MIPEP: variants seen among roughly 807,000 people sequenced by gnomAD.
MIPEP encodes the protein mitochondrial intermediate peptidase.
A neutral mutation model predicts 90.3 loss-of-function variants in MIPEP; 79 were observed. That is an observed-to-expected ratio of 0.87 (90% CI 0.73 to 1.05). MIPEP has a LOEUF of 1.05. Ranked by LOEUF, MIPEP falls within the 50% of genes least tolerant of loss-of-function variation. The pLI, the probability that MIPEP is intolerant of heterozygous loss-of-function variation, is 0.00. For missense variants in MIPEP, 940 were observed against 905.6 expected, an observed-to-expected ratio of 1.04 and a Z score of -0.49; for synonymous variants, 334 against 315.8, an observed-to-expected ratio of 1.06 and a Z score of -0.61.
chr13:23,802,662 C>T (rs970525478), intron 16 of MIPEP, among the ~76,000 whole-genome samples: 39 of 149,486 alleles, frequency 2.6e-4, no homozygotes, highest in Middle Eastern at 3.5e-3. Context: ...AATGGCTTTC[C>T]ATTGTATCTA....
intron 17 of MIPEP, 54 bp from the exon 18 acceptor site, chr13:23,756,672 C>T: frequency 6.4e-7 from 1 of 1,551,904 alleles, no homozygotes; most frequent in Non-Finnish European, 8.8e-7. Flanking sequence ...TCCATTCACA[C>T]TTGTCTTGAA....
At chr13:23,748,178 CTA>C (rs1256233738) in intron 18 of MIPEP, among the ~76,000 whole-genome samples, 3 of 152,218 alleles carry the variant, frequency 2.0e-5, no homozygotes, top group Non-Finnish European at 4.4e-5. Flanking sequence ...GTAGCTGTGA[CTA>C]CAGGTGCATG....
intron 5 of MIPEP, among the ~76,000 whole-genome samples, chr13:23,872,609 C>T (rs886452900): frequency 6.6e-6 from 1 of 152,128 alleles, no homozygotes; most frequent in South Asian, 2.1e-4. Flanking sequence ...CCTAGTGGAG[C>T]ACCTCTGAGA....
At position 23,730,276 on chromosome 13, in the gene MIPEP, C is replaced by G; in HGVS notation, c.*72G>C. The G allele has an allele frequency of 1.0e-6, 1 of 958,028 alleles. No homozygotes were observed. The highest frequency in any genetic ancestry group is 1.6e-6 in the Non-Finnish European group (1 of 615,580). The allele number at this position is 958,028 out of a possible 1,614,324, so 59.3% of individuals were successfully genotyped here. On this transcript the variant is annotated 3_prime_UTR_variant, in exon 19 of 19. Transcript: ENST00000382172. ...CGAACAATGAAATCAGAAACAAGCT[C>G]TCACAGCTGTAGCATTTATAACAAA...
intron 10 of MIPEP, among the ~76,000 whole-genome samples, chr13:23,845,345 G>C (rs1175910620): frequency 3.9e-5 from 6 of 152,170 alleles, no homozygotes. Context: ...GTCAATGAGA[G>C]CCTGAAGCAT....
chr13:23,810,796 G>A (rs1953163223), intron 14 of MIPEP, among the ~76,000 whole-genome samples: 1 of 152,174 alleles, frequency 6.6e-6, no homozygotes, highest in Admixed American at 6.5e-5. Flanking sequence ...GAGTCTACTC[G>A]GCAGACACTC....
intron 4 of MIPEP, among the ~76,000 whole-genome samples, chr13:23,875,250 T>G (rs896669346): frequency 3.9e-5 from 6 of 152,208 alleles, no homozygotes; most frequent in Non-Finnish European, 8.8e-5. Context: ...GTACACAGGT[T>G]TGTAATAAAT....
chr13:23,772,295 A>AC (rs1246307179), intron 16 of MIPEP, among the ~76,000 whole-genome samples: 1 of 134,160 alleles, frequency 7.5e-6, no homozygotes, highest in Non-Finnish European at 1.7e-5. Flanking sequence ...TCCTGATGCA[A>AC]GAGTTTTTAG....
chr13:23,778,708 A>G (rs911661518), intron 16 of MIPEP, among the ~76,000 whole-genome samples: 1 of 82,880 alleles, frequency 1.2e-5, no homozygotes, highest in Non-Finnish European at 2.7e-5. Flanking sequence ...ATTTTATTAT[A>G]CTGACAATAA....
intron 16 of MIPEP, among the ~76,000 whole-genome samples, chr13:23,791,576 C>T (rs554358116): frequency 4.6e-5 from 7 of 152,204 alleles, no homozygotes; most frequent in Non-Finnish European, 8.8e-5. Flanking sequence ...GGGCTAACCC[C>T]TCCACCCGTA....
intron 14 of MIPEP, among the ~76,000 whole-genome samples, chr13:23,817,630 C>T (rs1203597823): frequency 2.6e-5 from 4 of 152,100 alleles, no homozygotes; most frequent in Non-Finnish European, 5.9e-5. Flanking sequence ...CCCTCAAAAG[C>T]ATTAAAATTC....
intron 15 of MIPEP, among the ~76,000 whole-genome samples, chr13:23,808,441 C>T (rs1046300047): frequency 6.6e-6 from 1 of 152,130 alleles, no homozygotes; most frequent in Admixed American, 6.6e-5. Context: ...TGAAACAATT[C>T]ACTTCCTTTC....
At chr13:23,870,461 A>C (rs1566024055) in intron 5 of MIPEP, among the ~76,000 whole-genome samples, 1 of 152,126 alleles carries the variant, frequency 6.6e-6, no homozygotes, top group Non-Finnish European at 1.5e-5. Flanking sequence ...CATAACTTCT[A>C]GTTCTATTTT....
intron 16 of MIPEP, among the ~76,000 whole-genome samples, chr13:23,773,048 A>C (rs1255911375): frequency 6.6e-6 from 1 of 152,170 alleles, no homozygotes; most frequent in Non-Finnish European, 1.5e-5. Context: ...CAGTATATTC[A>C]CAAAATTGTG....
chr13:23,733,502 C>T (rs965630305), intron 18 of MIPEP, among the ~76,000 whole-genome samples: 4 of 152,076 alleles, frequency 2.6e-5, no homozygotes, highest in Admixed American at 2.6e-4. Flanking sequence ...GGAGACACAA[C>T]CCTTGTCAAG....
chr13:23,745,095 C>T (rs1261156898), intron 18 of MIPEP, among the ~76,000 whole-genome samples: 1 of 152,170 alleles, frequency 6.6e-6, no homozygotes, highest in East Asian at 1.9e-4. Flanking sequence ...CTGTGTGTTA[C>T]CTGACATACT....
intron 9 of MIPEP, among the ~76,000 whole-genome samples, chr13:23,859,341 C>CA (rs1870187861): frequency 2.0e-5 from 3 of 152,200 alleles, no homozygotes; most frequent in African/African-American, 7.2e-5. Flanking sequence ...GGGTAGATAT[C>CA]AAAAATGAAA....
At chr13:23,824,331 T>C (rs563166783) in intron 14 of MIPEP, among the ~76,000 whole-genome samples, 5 of 152,330 alleles carry the variant, frequency 3.3e-5, no homozygotes, top group Admixed American at 6.5e-5. Context: ...CTTATGACCA[T>C]TGAGAAAATG....
intron 18 of MIPEP, among the ~76,000 whole-genome samples, chr13:23,743,553 A>C (rs1450557059): frequency 6.6e-6 from 1 of 152,252 alleles, no homozygotes; most frequent in Non-Finnish European, 1.5e-5. Context: ...GTCGGCATTC[A>C]CATATGAGGC....
Sources: allele counts gnomAD v4.1 joint callset (sites outside exome capture counted in the v4.1 genomes callset), GRCh38; gene constraint gnomAD v4.1.1; transcripts MANE v1.5; gene names NCBI Gene and HGNC (gene_info 2026-07-23, HGNC 2026-07-21).